ZSWIM6: variants seen among roughly 807,000 people sequenced by gnomAD.
ZSWIM6 encodes zinc finger SWIM-type containing 6, also known as zinc finger SWIM domain-containing protein 6.
A neutral mutation model predicts 113.2 loss-of-function variants in ZSWIM6; 9 were observed. That is an observed-to-expected ratio of 0.08 (90% confidence interval 0.05 to 0.14). The LOEUF (loss-of-function observed/expected upper bound fraction) is 0.14. ZSWIM6 is among the 10% of genes least tolerant of loss of function. The pLI is 1.00. For synonymous variants in ZSWIM6, 611 were observed against 606.5 expected (o/e 1.01, Z -0.11); for missense variants, 1,162 against 1,552.2 (o/e 0.75, Z 4.22).
Position 61,530,217 on chromosome 5 carries a change from G to T in ZSWIM6, c.1984+19G>T, listed in dbSNP as rs776727134. 13 of 1,537,888 alleles carry T rather than the reference G, an allele frequency of 8.5e-6. No homozygotes were observed. Among genetic ancestry groups the T allele is most frequent in the Non-Finnish European group, 1.1e-5 (13 of 1,138,710 alleles). ...TTTACAGGTAAAACCATTGACATTTGTCTCATGTGCTTTTCTTTTTCTAAA... is the reference window on the plus strand; with the variant it reads ...TTTACAGGTAAAACCATTGACATTTTTCTCATGTGCTTTTCTTTTTCTAAA... On this transcript the variant is annotated intron_variant, in intron 8 of 13. Transcript: ENST00000252744.
At chr5:61,526,126 A>T in intron 6 of ZSWIM6, 124 bp from the exon 7 acceptor site, 1 of 1,423,422 alleles carries the variant, frequency 7.0e-7, no homozygotes. Context: ...ATTCAAATCC[A>T]AGTTCAGGAA....
chr5:61,413,568 T>C (rs894412169), intron 1 of ZSWIM6, among the ~76,000 whole-genome samples: 1 of 152,160 alleles, frequency 6.6e-6, no homozygotes, highest in African/African-American at 2.4e-5. Flanking sequence ...AAATGGTATT[T>C]CTAGTTCTAG....
At chr5:61,509,073 A>G (rs370165404) in intron 4 of ZSWIM6, among the ~76,000 whole-genome samples, 24 of 152,210 alleles carry the variant, frequency 1.6e-4, no homozygotes, top group South Asian at 2.1e-4. Flanking sequence ...AATGTAAAAT[A>G]TGATGATGTG....
In ZSWIM6 at chr5:61,341,866, C is replaced by G. The variant is rs145716773; in HGVS notation, c.676+8918C>G. ...TGTGGTCTCCAAACTGTAGTACTCT[C>G]TGTAACCTTTTTTTTTTTTTTTTTT... On this transcript the variant is annotated intron_variant, in intron 1 of 13. Transcript: ENST00000252744. 2.0e-3 allele frequency among the ~76,000 whole-genome samples: 291 copies of G among 146,168 alleles called. 2 individuals carry two copies. The highest frequency in any genetic ancestry group is 2.8e-3 in the Non-Finnish European group (187 of 67,014).
rs1747601529 is a variant in ZSWIM6 at position 61,472,687 on chromosome 5, A to G, written c.683A>G (p.His228Arg). Residue 228 changes from histidine to arginine, a missense_variant, in exon 2 of 14, where the codon CAC becomes CGC. Transcript: ENST00000252744. The surrounding 1 kb of genome is among the most constrained non-coding windows in gnomAD (Gnocchi z 4.1). ...CVDNVLQVGF[H>R]LSGTVTEPAI... The stretch of plus-strand genomic sequence containing the variant: ...TCTTTCTTTCACCCTCAAGGTTTCC[A>G]CTTGAGCGGCACAGTGACAGAACCT... 2.0e-6 allele frequency: 3 copies of G among 1,521,084 alleles called. No homozygotes were observed. Among genetic ancestry groups the G allele is most frequent in the Non-Finnish European group, 2.7e-6 (3 of 1,128,980 alleles). 94.2% of individuals were successfully genotyped at this position (1,521,084 alleles called of 1,614,324 possible).
chr5:61,342,414 GC>G lies in ZSWIM6; in HGVS notation c.676+9468del, dbSNP rs927534110. ...TCATTTCCTTTTGTGTTTCTTAACAGCCATATGAGTTAGGGACCATTATTGT... is the reference window on the plus strand; with the variant it reads ...TCATTTCCTTTTGTGTTTCTTAACAGCATATGAGTTAGGGACCATTATTGT... On this transcript the variant is annotated intron_variant, in intron 1 of 13. Transcript: ENST00000252744. 2.9e-4 allele frequency among the ~76,000 whole-genome samples: 44 copies of G among 152,122 alleles called. 1 individual carries two copies. Among genetic ancestry groups the G allele is most frequent in the Non-Finnish European group, 5.9e-5 (4 of 68,028 alleles).
At position 61,494,344 on chromosome 5, in the gene ZSWIM6, C is replaced by T. The variant is rs1167550225; in HGVS notation, c.1267C>T (p.Leu423=). Residue 423 remains leucine (L), a synonymous_variant, in exon 4 of 14, where the codon CTG becomes TTG. Coordinates refer to ENST00000252744, the MANE Select transcript of ZSWIM6 (RefSeq NM_020928.2). ...ITEQFMADPR[L]SLWRQQGTAM... ...AGAGCAATTCATGGCTGACCCTCGC[C>T]TGTCACTTTGGCGGCAACAAGGCAC... 8.4e-6 allele frequency: 13 copies of T among 1,551,068 alleles called. No individual in the cohort carries two copies. The highest frequency in any genetic ancestry group is 1.0e-5 in the Non-Finnish European group (12 of 1,146,634).
intron 1 of ZSWIM6, among the ~76,000 whole-genome samples, chr5:61,437,970 A>G (rs1746744990): frequency 6.6e-6 from 1 of 152,032 alleles, no homozygotes; most frequent in Admixed American, 6.6e-5. Context: ...TTAGTGTAAT[A>G]TTGCCATTCA....
chr5:61,543,137 G>T lies in ZSWIM6; in HGVS notation c.2786-318G>T, dbSNP rs773475927. On this transcript the variant is annotated intron_variant, in intron 13 of 13. Coordinates refer to ENST00000252744, the MANE Select transcript of ZSWIM6 (RefSeq NM_020928.2). This position sits in a 1 kb window ranked among gnomAD's most constrained non-coding sequence, Gnocchi z 4.3. The stretch of plus-strand genomic sequence containing the variant: ...TTTGAGCCTCAAATTCTGACAGGAA[G>T]CCCCAGTGAAGTAGAACTCATTAGC... Among the ~76,000 whole-genome samples, 27 of 152,154 alleles carry T rather than the reference G, an allele frequency of 1.8e-4. No homozygotes were observed. The highest frequency in any genetic ancestry group is 3.4e-4 in the Non-Finnish European group (23 of 68,034).
At chr5:61,402,072 A>G (rs1209073345) in intron 1 of ZSWIM6, among the ~76,000 whole-genome samples, 1 of 152,112 alleles carries the variant, frequency 6.6e-6, no homozygotes, top group African/African-American at 2.4e-5. Flanking sequence ...AGTCTTAGAT[A>G]TGGGATAAAA....
chr5:61,536,543 T>C (rs1250640711), intron 10 of ZSWIM6, among the ~76,000 whole-genome samples: 2 of 152,236 alleles, frequency 1.3e-5, no homozygotes, highest in African/African-American at 4.8e-5. Context: ...AACAGTTTGA[T>C]CTCAAGAAGC....
chr5:61,523,870 T>C (rs2112265551), intron 5 of ZSWIM6, among the ~76,000 whole-genome samples: 1 of 152,340 alleles, frequency 6.6e-6, no homozygotes, highest in South Asian at 2.1e-4. Flanking sequence ...GTACGCAACA[T>C]TTCTCTACAC....
At chr5:61,448,947 G>A (rs77030530) in intron 1 of ZSWIM6, among the ~76,000 whole-genome samples, 2,885 of 152,318 alleles carry the variant, frequency 0.019, 82 homozygotes, top group African/African-American at 0.066. Context: ...CCTGCAAGGA[G>A]AACCTGCTGG....
chr5:61,340,639 C>T (rs1561198290), intron 1 of ZSWIM6, among the ~76,000 whole-genome samples: 1 of 152,120 alleles, frequency 6.6e-6, no homozygotes, highest in Non-Finnish European at 1.5e-5. Context: ...GGCCCAAACT[C>T]GTTGAGTAAA....
intron 1 of ZSWIM6, among the ~76,000 whole-genome samples, chr5:61,346,507 A>G (rs1402796161): frequency 2.6e-5 from 4 of 152,234 alleles, no homozygotes; most frequent in Non-Finnish European, 5.9e-5. Context: ...AATATGATGC[A>G]TAGAACATTG....
At chr5:61,412,986 ATTG>A (rs1361114758) in intron 1 of ZSWIM6, among the ~76,000 whole-genome samples, 1 of 149,902 alleles carries the variant, frequency 6.7e-6, no homozygotes, top group African/African-American at 2.5e-5. Flanking sequence ...TTATTTCACT[ATTG>A]TTTATTTTCT....
intron 4 of ZSWIM6, among the ~76,000 whole-genome samples, chr5:61,507,892 A>C (rs1748666153): frequency 6.6e-6 from 1 of 152,232 alleles, no homozygotes; most frequent in South Asian, 2.1e-4. Context: ...TTTGGAATTC[A>C]TATATACATA....
chr5:61,516,718 T>G (rs1748954588), intron 4 of ZSWIM6, among the ~76,000 whole-genome samples: 1 of 151,802 alleles, frequency 6.6e-6, no homozygotes, highest in African/African-American at 2.4e-5. Flanking sequence ...AAATAATCTA[T>G]TTACTGAGAT....
intron 4 of ZSWIM6, among the ~76,000 whole-genome samples, chr5:61,517,035 G>A (rs1233693333): frequency 1.3e-5 from 2 of 151,936 alleles, no homozygotes; most frequent in Non-Finnish European, 2.9e-5. Context: ...ATTCTTCTAT[G>A]TATGGTATTT....
Sources: gnomAD v4.1 joint callset for allele counts (sites outside exome capture counted in the v4.1 genomes callset) on GRCh38, gnomAD v4.1.1 for gene constraint, Gnocchi (gnomAD v3.1) non-coding constraint, MANE v1.5 for transcripts, NCBI Gene and HGNC (gene_info 2026-07-23, HGNC 2026-07-21) for gene names.